Variants in NBPF3 observed in about 807,000 individuals in gnomAD.
NBPF3 encodes NBPF family member NBPF3.
In NBPF3, 57 loss-of-function variants were observed where a neutral mutation model predicts 78.1. The observed-to-expected ratio is 0.73, with a 90% confidence interval of 0.59 to 0.91. The LOEUF (loss-of-function observed/expected upper bound fraction) is 0.91, where lower values mean the gene tolerates loss of function less well. NBPF3 is among the 40% of genes least tolerant of loss of function. The pLI is 0.00. For synonymous variants in NBPF3, 182 were observed against 271.7 expected, an observed-to-expected ratio of 0.67 and a Z score of 3.25; for missense variants, 510 against 715.3, an observed-to-expected ratio of 0.71 and a Z score of 3.27.
intron 11 of NBPF3, among the ~76,000 whole-genome samples, chr1:21,480,427 G>C (rs149627997): frequency 0.018 from 2,041 of 112,950 alleles, 234 homozygotes; most frequent in African/African-American, 0.05. Context: ...TCTATTCCTA[G>C]TCTCCAGCCA....
intron 2 of NBPF3, among the ~76,000 whole-genome samples, chr1:21,465,309 G>A (rs1438227004): frequency 6.6e-6 from 1 of 152,200 alleles, no homozygotes; most frequent in Non-Finnish European, 1.5e-5. Context: ...TCCCCAAATT[G>A]ACTGCACATC....
intron 2 of NBPF3, among the ~76,000 whole-genome samples, chr1:21,458,412 C>G (rs536192401): frequency 2.0e-5 from 3 of 147,058 alleles, no homozygotes; most frequent in South Asian, 2.2e-4. Flanking sequence ...ACCACTCAGT[C>G]GGTACTGAAA....
chr1:21,467,821 A>C (rs1642362144), intron 2 of NBPF3, among the ~76,000 whole-genome samples: 1 of 152,224 alleles, frequency 6.6e-6, no homozygotes. Flanking sequence ...GCGCTCAGTG[A>C]CATCAAAAAC....
Position 21,440,221 on chromosome 1 carries a change from G to C in NBPF3, c.-267G>C, listed in dbSNP as rs2147879492. 1 of 151,360 alleles carries C rather than the reference G, an allele frequency of 6.6e-6. No individual in the cohort carries two copies. The highest frequency in any genetic ancestry group is 2.1e-4 in the South Asian group (1 of 4,832). 9.4% of individuals were successfully genotyped at this position (151,360 alleles called of 1,614,324 possible). A position where few individuals can be genotyped will look rare whatever the true frequency, so the allele number is the denominator to read the frequency against. ...ATCCCGAGACTGAGTGAGCTTCTGC[G>C]CGCGGTGCTTTTGGGAACGCGGGAC... On this transcript the variant is annotated 5_prime_UTR_variant, in exon 1 of 15. Transcript: ENST00000318249.
At chr1:21,472,794 G>C (rs1642670351) in intron 5 of NBPF3, 49 bp from the exon 6 acceptor site, 1 of 1,326,136 alleles carries the variant, frequency 7.5e-7, no homozygotes, top group Non-Finnish European at 1.1e-6. Flanking sequence ...GACTGTGCTT[G>C]CAGAGTGTGA....
At chr1:21,457,576 T>A (rs4417036) in intron 2 of NBPF3, among the ~76,000 whole-genome samples, 1 of 151,578 alleles carries the variant, frequency 6.6e-6, no homozygotes, top group Non-Finnish European at 1.5e-5. Flanking sequence ...TGAATACAAC[T>A]TGATAGCAGT....
At chr1:21,470,370 A>C (rs1030982099) in intron 3 of NBPF3, among the ~76,000 whole-genome samples, 1 of 152,188 alleles carries the variant, frequency 6.6e-6, no homozygotes, top group Non-Finnish European at 1.5e-5. Context: ...AGGGGCTGTG[A>C]ATTCTGACTC....
At chr1:21,478,119 A>C (rs1174671288) in intron 8 of NBPF3, 25 bp from the exon 9 acceptor site, 1 of 1,613,512 alleles carries the variant, frequency 6.2e-7, no homozygotes, top group Non-Finnish European at 8.5e-7. Flanking sequence ...ATCTTCTGTC[A>C]TCCCTGTCCT....
intron 2 of NBPF3, among the ~76,000 whole-genome samples, chr1:21,452,568 AATTTC>A (rs1229114200): frequency 6.6e-6 from 1 of 152,224 alleles, no homozygotes; most frequent in Non-Finnish European, 1.5e-5. Context: ...TGCGGTGAAG[AATTTC>A]ATTTATGATG....
At chr1:21,457,709 C>A (rs1641709168) in intron 2 of NBPF3, among the ~76,000 whole-genome samples, 2 of 152,178 alleles carry the variant, frequency 1.3e-5, no homozygotes, top group South Asian at 4.1e-4. Context: ...GAAAATCTAA[C>A]AATGTCTTAA....
chr1:21,463,476 C>G (rs1642067458), intron 2 of NBPF3, among the ~76,000 whole-genome samples: 1 of 152,114 alleles, frequency 6.6e-6, no homozygotes, highest in Non-Finnish European at 1.5e-5. Context: ...AAACAATGTC[C>G]ACCGTCCTCT....
At chr1:21,437,600 G>A, upstream of NBPF3, 3 of 592,850 alleles carry the variant, frequency 5.1e-6, no homozygotes, top group South Asian at 4.5e-5. Context: ...CACCAGTCGA[G>A]CCTTATGCGT....
chr1:21,455,156 T>G (rs1641528032), intron 2 of NBPF3, among the ~76,000 whole-genome samples: 1 of 152,164 alleles, frequency 6.6e-6, no homozygotes, highest in East Asian at 1.9e-4. Flanking sequence ...ACTTCACATC[T>G]CTCCAGGAAG....
Position 21,468,738 on chromosome 1 carries a change from G to C in NBPF3, c.184G>C (p.Gly62Arg). 1.9e-6 allele frequency: 3 copies of C among 1,613,604 alleles called. No individual in the cohort carries two copies. The highest frequency in any genetic ancestry group is 2.5e-6 in the Non-Finnish European group (3 of 1,179,596). ...ATNVSMVVSAGPWSGEKAEMN... is the reference protein window; with the variant it reads ...ATNVSMVVSARPWSGEKAEMN... Reference sequence around the variant, plus strand: ...AAACGTCAGCATGGTGGTATCTGCCGGCCCTTGGTCCGGTGAGAAGGCAGA... The same window carrying C: ...AAACGTCAGCATGGTGGTATCTGCCCGCCCTTGGTCCGGTGAGAAGGCAGA... Residue 62 changes from glycine to arginine, a missense_variant, in exon 3 of 15, where the codon GGC (glycine) becomes CGC (arginine). Transcript: ENST00000318249.
chr1:21,462,203 C>T (rs188195836), intron 2 of NBPF3, among the ~76,000 whole-genome samples: 51 of 152,284 alleles, frequency 3.3e-4, no homozygotes, highest in Non-Finnish European at 7.1e-4. Context: ...TGATAAATTA[C>T]GCAGCCGCCG....
Position 21,484,211 on chromosome 1 carries a change from T to C in NBPF3, c.*825T>C, listed in dbSNP as rs957285981. 7.4e-6 allele frequency: 1 copy of C among 135,572 alleles called. No individual in the cohort carries two copies. Among genetic ancestry groups the C allele is most frequent in the African/African-American group, 2.7e-5 (1 of 37,334 alleles). 8.4% of individuals were successfully genotyped at this position (135,572 alleles called of 1,614,324 possible). On this transcript the variant is annotated 3_prime_UTR_variant, in exon 15 of 15. Coordinates refer to ENST00000318249, the MANE Select transcript of NBPF3 (RefSeq NM_032264.6). ...CACTGAGCAGGACAACTGACCTGTC[T>C]CCTTCACACAGTCCACGTCACCACG...
At chr1:21,468,640 A>G in intron 2 of NBPF3, 48 bp from the exon 3 acceptor site, 1 of 1,611,860 alleles carries the variant, frequency 6.2e-7, no homozygotes, top group Non-Finnish European at 8.5e-7. Flanking sequence ...AACCTATTTG[A>G]TTTCACCAGT....
intron 1 of NBPF3, among the ~76,000 whole-genome samples, chr1:21,443,215 C>T (rs2147890951): frequency 6.6e-6 from 1 of 152,222 alleles, no homozygotes; most frequent in East Asian, 1.9e-4. Flanking sequence ...GTGCATAGAG[C>T]AGATGGAGTC....
At chr1:21,478,757 T>C (rs1304903106) in intron 9 of NBPF3, among the ~76,000 whole-genome samples, 1 of 152,258 alleles carries the variant, frequency 6.6e-6, no homozygotes, top group Admixed American at 6.5e-5. Context: ...GTGGAAGATG[T>C]GACCCAGGTT....
Sources: gnomAD v4.1 joint callset for allele counts (sites outside exome capture counted in the v4.1 genomes callset) on GRCh38, gnomAD v4.1.1 for gene constraint, MANE v1.5 for transcripts, NCBI Gene and HGNC (gene_info 2026-07-23, HGNC 2026-07-21) for gene names.